LTBP1: variants seen among roughly 807,000 people sequenced by gnomAD.
The protein encoded by LTBP1 is latent-transforming growth factor beta-binding protein 1.
Under a neutral mutation model 207.6 loss-of-function variants are expected in LTBP1, and 129 were observed. The ratio of observed to expected loss-of-function variants is 0.62; its 90% CI spans 0.54 to 0.72. The LOEUF (loss-of-function observed/expected upper bound fraction) is 0.72. Ranked by LOEUF, LTBP1 falls within the 30% of genes least tolerant of loss-of-function variation. The pLI is 0.00. For synonymous variants in LTBP1, 963 were observed against 833.7 expected, an observed-to-expected ratio of 1.16 and a Z score of -2.67; for missense variants, 2,281 against 2,217.2, an observed-to-expected ratio of 1.03 and a Z score of -0.58.
chr2:33,242,891 A>G (rs80086591), intron 9 of LTBP1, among the ~76,000 whole-genome samples: 7 of 152,040 alleles, frequency 4.6e-5, no homozygotes, highest in Non-Finnish European at 8.8e-5. Context: ...AGAAACCTTT[A>G]GTATATAGCT....
At chr2:33,234,934 A>T (rs2091969152) in intron 9 of LTBP1, among the ~76,000 whole-genome samples, 1 of 152,192 alleles carries the variant, frequency 6.6e-6, no homozygotes, top group Non-Finnish European at 1.5e-5. Flanking sequence ...TAAGACCTAA[A>T]ACCATAAAAA....
At chr2:32,971,499 A>G (rs1327937205) in intron 2 of LTBP1, among the ~76,000 whole-genome samples, 1 of 152,136 alleles carries the variant, frequency 6.6e-6, no homozygotes, top group African/African-American at 2.4e-5. Context: ...TTTTTCAAAC[A>G]TGAAGGATAT....
At chr2:33,108,834 A>G (rs1182787770) in intron 3 of LTBP1, among the ~76,000 whole-genome samples, 2 of 152,200 alleles carry the variant, frequency 1.3e-5, no homozygotes, top group Non-Finnish European at 2.9e-5. Flanking sequence ...TCACTACCAG[A>G]TGTGTCCAGC....
chr2:33,196,148 G>T (rs950796210), intron 7 of LTBP1, among the ~76,000 whole-genome samples: 2 of 152,172 alleles, frequency 1.3e-5, no homozygotes, highest in Non-Finnish European at 2.9e-5. Context: ...CTTTATTGCA[G>T]TGGTCAGGAA....
chr2:32,957,218 G>A (rs527744299), intron 2 of LTBP1, among the ~76,000 whole-genome samples: 1 of 152,316 alleles, frequency 6.6e-6, no homozygotes, highest in South Asian at 2.1e-4. Context: ...GCCAGGAATT[G>A]ACTTCTCCTC....
intron 2 of LTBP1, among the ~76,000 whole-genome samples, chr2:32,953,476 A>T (rs1211652586): frequency 6.6e-6 from 1 of 152,196 alleles, no homozygotes; most frequent in Non-Finnish European, 1.5e-5. Context: ...TCAGCTGGAG[A>T]ATCTTGTCAT....
intron 9 of LTBP1, among the ~76,000 whole-genome samples, chr2:33,237,693 G>A (rs760109927): frequency 6.6e-6 from 1 of 152,134 alleles, no homozygotes; most frequent in Non-Finnish European, 1.5e-5. Flanking sequence ...CTTTTTCTGT[G>A]ACTCTATCCT....
chr2:33,137,897 G>C (rs563627426), intron 5 of LTBP1, among the ~76,000 whole-genome samples: 1 of 152,260 alleles, frequency 6.6e-6, no homozygotes, highest in South Asian at 2.1e-4. Context: ...TGCCCATGAT[G>C]TATAAGAGGG....
intron 8 of LTBP1, 71 bp downstream of exon 8, chr2:33,217,725 G>C: frequency 9.7e-7 from 1 of 1,034,782 alleles, no homozygotes; most frequent in South Asian, 1.4e-5. Flanking sequence ...CTCCTTTAAT[G>C]ATGAGGCAAT....
intron 31 of LTBP1, among the ~76,000 whole-genome samples, chr2:33,366,054 G>C (rs2094983236): frequency 6.6e-6 from 1 of 152,126 alleles, no homozygotes; most frequent in African/African-American, 2.4e-5. Context: ...TAAACCTTTG[G>C]TCAAATGGAA....
At chr2:33,087,021 T>G (rs1452196701) in intron 3 of LTBP1, among the ~76,000 whole-genome samples, 2 of 150,384 alleles carry the variant, frequency 1.3e-5, no homozygotes, top group Non-Finnish European at 1.5e-5. Flanking sequence ...TCTTCTTTGG[T>G]GTCCAATTTC....
At chr2:33,277,542 A>G (rs1402655567) in intron 18 of LTBP1, among the ~76,000 whole-genome samples, 2 of 152,048 alleles carry the variant, frequency 1.3e-5, no homozygotes, top group Non-Finnish European at 2.9e-5. Flanking sequence ...TGTTGCCATA[A>G]CTTGTATGAT....
chr2:33,039,404 G>A (rs1016648372), intron 3 of LTBP1, among the ~76,000 whole-genome samples: 1 of 151,824 alleles, frequency 6.6e-6, no homozygotes, highest in Non-Finnish European at 1.5e-5. Context: ...TGGTAGCTTT[G>A]GTAGCTATAA....
At chr2:33,370,157 A>G (rs1353669449) in intron 31 of LTBP1, among the ~76,000 whole-genome samples, 2 of 151,588 alleles carry the variant, frequency 1.3e-5, no homozygotes, top group Non-Finnish European at 2.9e-5. Context: ...TGTTTGACAC[A>G]TGGTAAGTTT....
chr2:32,995,298 T>C (rs567876680), intron 2 of LTBP1, among the ~76,000 whole-genome samples: 2 of 152,198 alleles, frequency 1.3e-5, no homozygotes, highest in East Asian at 3.9e-4. Context: ...CTAATGTGCA[T>C]AGGAATCTCC....
At chr2:33,177,307 T>C (rs1453128428) in intron 5 of LTBP1, among the ~76,000 whole-genome samples, 1 of 152,184 alleles carries the variant, frequency 6.6e-6, no homozygotes, top group Non-Finnish European at 1.5e-5. Context: ...AGAATAAAAC[T>C]TTGTGCTTGT....
At chr2:33,286,639 C>T (rs140484375) in intron 19 of LTBP1, among the ~76,000 whole-genome samples, 5 of 152,272 alleles carry the variant, frequency 3.3e-5, no homozygotes, top group Non-Finnish European at 5.9e-5. Context: ...GTCTGTGTAT[C>T]TATATGCCAG....
intron 2 of LTBP1, among the ~76,000 whole-genome samples, chr2:32,971,104 G>C (rs1309223441): frequency 2.0e-5 from 3 of 150,806 alleles, no homozygotes; most frequent in Non-Finnish European, 4.4e-5. Flanking sequence ...GGATGTTGTT[G>C]GTGTATAGAA....
chr2:33,003,754 CT>C (rs1261029197), intron 2 of LTBP1, among the ~76,000 whole-genome samples: 1 of 152,180 alleles, frequency 6.6e-6, no homozygotes, highest in Non-Finnish European at 1.5e-5. Context: ...TGTCAAAACC[CT>C]GACAAATAGA....
Sources: allele counts gnomAD v4.1 joint callset (sites outside exome capture counted in the v4.1 genomes callset), GRCh38; gene constraint gnomAD v4.1.1; transcripts MANE v1.5; gene names NCBI Gene and HGNC (gene_info 2026-07-23, HGNC 2026-07-21).